The following PLAUR variants were observed in gnomAD, a reference collection of about 807,000 sequenced individuals.
PLAUR encodes plasminogen activator, urokinase receptor, also known as urokinase plasminogen activator surface receptor.
Under a neutral mutation model 33.4 loss-of-function variants are expected in PLAUR, and 22 were observed. The ratio of observed to expected loss-of-function variants is 0.66; its 90% CI spans 0.47 to 0.94. The LOEUF (loss-of-function observed/expected upper bound fraction) is 0.94. Among genes scored for constraint, PLAUR ranks in the 40% least tolerant of loss-of-function variants. The probability of loss-of-function intolerance (pLI) is 0.00; values close to 1 mark genes in which losing one functional copy is unlikely to be tolerated. For missense variants in PLAUR, 408 were observed against 434.7 expected, an observed-to-expected ratio of 0.94 and a Z score of 0.55; for synonymous variants, 148 against 167.3, an observed-to-expected ratio of 0.88 and a Z score of 0.89.
rs754487070 is a variant in PLAUR at position 43,652,385 on chromosome 19, C to T, written c.608-14G>A. On this transcript the variant is annotated splice_polypyrimidine_tract_variant and intron_variant, in intron 5 of 6. Transcript: ENST00000340093. ...CAAGCTCCAGGACTTAGGAGAAGAC[C>T]AGAGACACAGAGACCAAGAAAATTA... 6.2e-7 allele frequency: 1 copy of T among 1,610,504 alleles called. No individual in the cohort carries two copies. Among genetic ancestry groups the T allele is most frequent in the Non-Finnish European group, 8.5e-7 (1 of 1,177,272 alleles).
At chr19:43,652,744 C>A (rs539488853) in intron 5 of PLAUR, among the ~76,000 whole-genome samples, 12 of 152,208 alleles carry the variant, frequency 7.9e-5, no homozygotes, top group African/African-American at 2.6e-4. Context: ...TCGACCACCC[C>A]GGCTCAAGAG....
chr19:43,668,380 TCCTGACCTTATCTTCCCG>T, intron 1 of PLAUR: 1 of 887,526 alleles, frequency 1.1e-6, no homozygotes, highest in Non-Finnish European at 1.3e-6. Flanking sequence ...CTTTAGCTCT[TCCTGACCTTATCTTCCCG>T]CCCCCTAGCT....
At position 43,651,717 on chromosome 19, in the gene PLAUR, T is replaced by G. The variant is rs979336641; in HGVS notation, c.754+508A>C. On this transcript the variant is annotated intron_variant, in intron 6 of 6. Coordinates refer to ENST00000340093, the MANE Select transcript of PLAUR (RefSeq NM_002659.4). ...TCCCAAGGTGTTGCAATTACAGGCG[T>G]GAGCCACCACACCTGGCCAAAAATA... The G allele has an allele frequency of 2.5e-5, 20 of 791,864 alleles. No individual in the cohort carries two copies. In the African/African-American group the frequency reaches 3.7e-4, roughly 15 times the overall value. The allele number at this position is 791,864 out of a possible 1,614,324, so 49.1% of individuals were successfully genotyped here. A position where few individuals can be genotyped will look rare whatever the true frequency, so the allele number is the denominator to read the frequency against.
At chr19:43,659,482 C>T (rs1467665823) in intron 3 of PLAUR, among the ~76,000 whole-genome samples, 2 of 152,150 alleles carry the variant, frequency 1.3e-5, no homozygotes, top group African/African-American at 4.8e-5. Flanking sequence ...TTTTATCTCT[C>T]ACAGTATAGA....
chr19:43,658,399 T>G (rs571961699), intron 3 of PLAUR, among the ~76,000 whole-genome samples: 1 of 152,362 alleles, frequency 6.6e-6, no homozygotes, highest in East Asian at 1.9e-4. Flanking sequence ...CCAGGGTTTT[T>G]GACCTTCAGA....
Position 43,656,449 on chromosome 19 carries a change from A to G in PLAUR, c.472+30T>C. 3 of 1,552,176 alleles carry G rather than the reference A, an allele frequency of 1.9e-6. No homozygotes were observed. In the South Asian group the frequency reaches 3.6e-5, roughly 19 times the overall value. On this transcript the variant is annotated intron_variant, in intron 4 of 6. Coordinates refer to ENST00000340093, the MANE Select transcript of PLAUR (RefSeq NM_002659.4). ...AGTCTTAGGGAGGAGCAGAGCAGGG[A>G]GGAGGAGTTGCCAGCAGGTTGGGGC...
At chr19:43,648,472 C>T, downstream of PLAUR, 1 of 532,730 alleles carries the variant, frequency 1.9e-6, no homozygotes, top group Non-Finnish European at 2.4e-6. Context: ...CCAACCTAGG[C>T]AGGGGCCTCA....
rs112183701 is a variant in PLAUR at position 43,665,434 on chromosome 19, C to T, written c.192G>A (p.Glu64=). Residue 64 remains glutamate, a synonymous_variant, in exon 3 of 7, where the codon GAG becomes GAA. Transcript: ENST00000340093. ...TCTTCTCTGAGTGGGTACAGCTTTT[C>T]TCCACCAGCTCCAGCTCTTCTCCTT... is the stretch of plus-strand genomic sequence containing the variant. The part of the protein sequence containing the change: ...WEEGEELELV[E]KSCTHSEKTN... The T allele has an allele frequency of 7.7e-5, 125 of 1,613,332 alleles. No homozygotes were observed. The African/African-American group carries it at 1.5e-3, about 19-fold the overall frequency.
intron 6 of PLAUR, among the ~76,000 whole-genome samples, chr19:43,651,519 C>A (rs889907386): frequency 4.6e-5 from 7 of 151,746 alleles, no homozygotes; most frequent in African/African-American, 1.7e-4. Context: ...ACTGCAACCT[C>A]CTCCTCCTGG....
chr19:43,652,038 C>CA, intron 6 of PLAUR, 187 bp downstream of exon 6: 2 of 1,372,596 alleles, frequency 1.5e-6, no homozygotes, highest in Non-Finnish European at 1.9e-6. Flanking sequence ...TTTTCCATGG[C>CA]AAAAATGTCC....
Position 43,670,097 on chromosome 19 carries a change from C to A in PLAUR, c.24G>T (p.Pro8=), listed in dbSNP as rs62639324. Residue 8 remains proline (P), a synonymous_variant, in exon 1 of 7, where the codon CCG becomes CCT. Coordinates refer to ENST00000340093, the MANE Select transcript of PLAUR (RefSeq NM_002659.4). ...CGCAGGTGTGGAGCAGCAGCAGCAG[C>A]GGCAGCAGCGGCGGGTGACCCATGT... is the stretch of plus-strand genomic sequence containing the variant. MGHPPLL[P]LLLLLHTCVP... is the part of the protein sequence containing the mutation. 1 of 1,612,712 alleles carries A rather than the reference C, an allele frequency of 6.2e-7. No individual in the cohort carries two copies. The highest frequency in any genetic ancestry group is 8.5e-7 in the Non-Finnish European group (1 of 1,179,534).
intron 5 of PLAUR, 46 bp from the exon 6 acceptor site, chr19:43,652,417 G>A: frequency 6.3e-7 from 1 of 1,584,782 alleles, no homozygotes; most frequent in Non-Finnish European, 8.6e-7. Context: ...ATTAGTGCTT[G>A]GATCTCCACT....
chr19:43,663,213 CA>C (rs1600138223), intron 3 of PLAUR, among the ~76,000 whole-genome samples: 1 of 151,860 alleles, frequency 6.6e-6, no homozygotes, highest in East Asian at 1.9e-4. Flanking sequence ...TGGTTTCTGC[CA>C]TTGCTTTTAA....
At chr19:43,646,103 A>T, downstream of PLAUR, 1 of 171,838 alleles carries the variant, frequency 5.8e-6, no homozygotes, top group Non-Finnish European at 1.2e-5. Flanking sequence ...CATCCAGCCA[A>T]TTTTTTTTTA....
At chr19:43,669,991 C>A in intron 1 of PLAUR, 75 bp downstream of exon 1, 1 of 1,405,630 alleles carries the variant, frequency 7.1e-7, no homozygotes, top group Admixed American at 1.8e-5. Context: ...ATTCCTCCAA[C>A]TCATCCTCTG....
rs368753188 is a variant in PLAUR at position 43,667,567 on chromosome 19, G to C, written c.166+14C>G. 2 of 1,564,836 alleles carry C rather than the reference G, an allele frequency of 1.3e-6. No homozygotes were observed. Among genetic ancestry groups the C allele is most frequent in the African/African-American group, 1.3e-5 (1 of 74,186 alleles). On this transcript the variant is annotated intron_variant, in intron 2 of 6. Coordinates refer to ENST00000340093, the MANE Select transcript of PLAUR (RefSeq NM_002659.4). The stretch of plus-strand genomic sequence containing the variant: ...GCTGCGCTGGAGGGGTGTGTGGGTT[G>C]GGGGGAAGCTCACCTTCCCACAAGC...
chr19:43,652,018 G>A (rs1261677643), intron 6 of PLAUR: 15 of 1,337,520 alleles, frequency 1.1e-5, no homozygotes, highest in Admixed American at 6.2e-5. Context: ...GCACCCAGCC[G>A]GAATTCCACT....
intron 1 of PLAUR, among the ~76,000 whole-genome samples, chr19:43,668,674 C>T (rs1430515678): frequency 1.3e-5 from 2 of 148,474 alleles, no homozygotes; most frequent in African/African-American, 5.0e-5. Flanking sequence ...CGCCCCTAGC[C>T]CCTCCTTGAG....
At position 43,648,623 on chromosome 19, in the gene PLAUR, G is replaced by T. The variant is rs907009485; in HGVS notation, c.*267C>A. On this transcript the variant is annotated 3_prime_UTR_variant, in exon 7 of 7. Coordinates refer to ENST00000340093, the MANE Select transcript of PLAUR (RefSeq NM_002659.4). ...TATGTAAGTATAAAATAAATAATAT[G>T]AATATTAATTAATAACAACAACACA... The T allele has an allele frequency of 4.8e-6, 4 of 828,532 alleles. No homozygotes were observed. Among genetic ancestry groups the T allele is most frequent in the Non-Finnish European group, 6.3e-6 (4 of 633,834 alleles). 51.3% of individuals were successfully genotyped at this position (828,532 alleles called of 1,614,324 possible). A position where few individuals can be genotyped will look rare whatever the true frequency, so the allele number is the denominator to read the frequency against.
Sources: allele counts gnomAD v4.1 joint callset (sites outside exome capture counted in the v4.1 genomes callset), GRCh38; gene constraint gnomAD v4.1.1; transcripts MANE v1.5; gene names NCBI Gene and HGNC (gene_info 2026-07-23, HGNC 2026-07-21).